FBXO21: variants seen among roughly 807,000 people sequenced by gnomAD.
FBXO21 encodes the protein F-box protein 21.
A neutral mutation model predicts 76.6 loss-of-function variants in FBXO21; 32 were observed. The ratio of observed to expected loss-of-function variants is 0.42; its 90% CI spans 0.32 to 0.56. The LOEUF (loss-of-function observed/expected upper bound fraction) is 0.56. Among genes scored for constraint, FBXO21 ranks in the 20% least tolerant of loss-of-function variants. The pLI is 0.16. For missense variants in FBXO21, 586 were observed against 797.3 expected (o/e 0.73, Z 3.19); for synonymous variants, 328 against 311.5 (o/e 1.05, Z -0.56).
chr12:117,161,320 G>T (rs917387528), intron 9 of FBXO21, among the ~76,000 whole-genome samples: 2 of 152,212 alleles, frequency 1.3e-5, no homozygotes, highest in East Asian at 1.9e-4. Flanking sequence ...AGAAAAAGTA[G>T]TGGGTGCAGG....
Position 117,145,743 on chromosome 12 carries a change from CAG to C in FBXO21, c.*342_*343del, listed in dbSNP as rs1256560752. Reference sequence around the variant, plus strand: ...ATGTTCTGAGACAAATGCAGACAGACAGGGGAATGGAGTGAATACAAAGAATG... The same window carrying C: ...ATGTTCTGAGACAAATGCAGACAGACGGGAATGGAGTGAATACAAAGAATG... On this transcript the variant is annotated 3_prime_UTR_variant, in exon 12 of 12. Coordinates refer to ENST00000622495, the MANE Select transcript of FBXO21 (RefSeq NM_015002.3). 2 of 172,852 alleles carry C rather than the reference CAG, an allele frequency of 1.2e-5. No individual in the cohort carries two copies. The highest frequency in any genetic ancestry group is 2.4e-5 in the African/African-American group (1 of 42,292). 10.7% of individuals were successfully genotyped at this position (172,852 alleles called of 1,614,324 possible). A position where few individuals can be genotyped will look rare whatever the true frequency, so the allele number is the denominator to read the frequency against.
At chr12:117,157,746 G>C (rs920144807) in intron 10 of FBXO21, 127 bp downstream of exon 10, 1 of 699,388 alleles carries the variant, frequency 1.4e-6, no homozygotes, top group African/African-American at 1.8e-5. Context: ...CCCGCGGTGC[G>C]CACTCGGGGG....
chr12:117,164,606 G>C (rs78945371), intron 9 of FBXO21, among the ~76,000 whole-genome samples: 1 of 152,036 alleles, frequency 6.6e-6, no homozygotes, highest in Non-Finnish European at 1.5e-5. Context: ...GAGCCTTGGG[G>C]TTTTCCTACT....
At chr12:117,167,891 C>T (rs1287462129) in intron 7 of FBXO21, among the ~76,000 whole-genome samples, 1 of 152,230 alleles carries the variant, frequency 6.6e-6, no homozygotes. Flanking sequence ...GAGCTGTGCC[C>T]CTGGCCTTGA....
At chr12:117,183,083 G>A (rs945868729) in intron 3 of FBXO21, among the ~76,000 whole-genome samples, 1 of 152,134 alleles carries the variant, frequency 6.6e-6, no homozygotes, top group African/African-American at 2.4e-5. Context: ...ACAAGAGTGA[G>A]ACTCTGTTTC....
At chr12:117,155,679 G>A in intron 11 of FBXO21, 112 bp downstream of exon 11, 6 of 1,249,036 alleles carry the variant, frequency 4.8e-6, no homozygotes, top group Non-Finnish European at 6.6e-6. Context: ...TGGGGCGTCG[G>A]CCGCCTCTGA....
At chr12:117,153,661 C>T (rs1001985198) in intron 11 of FBXO21, among the ~76,000 whole-genome samples, 2 of 152,066 alleles carry the variant, frequency 1.3e-5, no homozygotes, top group Admixed American at 6.5e-5. Flanking sequence ...AGATCTGCCC[C>T]TTGGCCCAGG....
chr12:117,159,643 A>G (rs1299831159), intron 9 of FBXO21, among the ~76,000 whole-genome samples: 1 of 152,136 alleles, frequency 6.6e-6, no homozygotes, highest in Non-Finnish European at 1.5e-5. Flanking sequence ...ACACTCGCAG[A>G]TTTACCCTTT....
At chr12:117,158,287 C>A (rs1440799734) in intron 9 of FBXO21, among the ~76,000 whole-genome samples, 1 of 152,078 alleles carries the variant, frequency 6.6e-6, no homozygotes, top group Non-Finnish European at 1.5e-5. Flanking sequence ...GTAACACTGG[C>A]AGCTGGCCCA....
In FBXO21 at chr12:117,155,779, C is replaced by G. The variant is rs1329333911; in HGVS notation, c.1675+12G>C. On this transcript the variant is annotated intron_variant, in intron 11 of 11. Transcript: ENST00000622495. ...CGCGGGGCCACTGGCACAAGCGGAACCCGCCGCTTACCTTGGGCTGCGTAT... is the reference window on the plus strand; with the variant it reads ...CGCGGGGCCACTGGCACAAGCGGAAGCCGCCGCTTACCTTGGGCTGCGTAT... 1.1e-5 allele frequency: 17 copies of G among 1,609,202 alleles called. No individual in the cohort carries two copies. Among genetic ancestry groups the G allele is most frequent in the Non-Finnish European group, 1.4e-5 (16 of 1,177,438 alleles).
Position 117,144,121 on chromosome 12 carries a change from G to A in FBXO21, c.*1966C>T, listed in dbSNP as rs887655420. 4 of 152,486 alleles carry A rather than the reference G, an allele frequency of 2.6e-5. No individual in the cohort carries two copies. The highest frequency in any genetic ancestry group is 1.9e-4 in the East Asian group (1 of 5,198). The allele number at this position is 152,486 out of a possible 1,614,324, so 9.4% of individuals were successfully genotyped here. The stretch of plus-strand genomic sequence containing the variant: ...TAGATACATATGTACAGCTGGGTCA[G>A]TAAAGGTAAAACCATCTTTCTTGAC... On this transcript the variant is annotated 3_prime_UTR_variant, in exon 12 of 12. Transcript: ENST00000622495.
rs1449438589 is a variant in FBXO21, at chr12:117,166,912, T to A, written c.1179A>T (p.Leu393Phe). The A allele has an allele frequency of 6.2e-7, 1 of 1,614,152 alleles. No homozygotes were observed. Among genetic ancestry groups the A allele is most frequent in the East Asian group, 2.2e-5 (1 of 44,888 alleles). ...KVLQRMVGNL[L>F]SLGKREGIDQ... ...GAAAACCTTACCGCTTCCCCAGGCT[T>A]AACAGGTTTCCCACCATTCTCTGTA... The change falls in exon 8 of 12, where the codon TTA becomes TTT. Residue 393 changes from leucine to phenylalanine, a missense_variant. Physicochemically the swap from Leu to Phe is conservative, Grantham distance 22. This residue lies in a region of FBXO21 where 9 missense variants were observed against 40.6 expected (regional missense o/e 0.22). Transcript: ENST00000622495.
At chr12:117,173,599 G>A (rs1956139891) in intron 6 of FBXO21, among the ~76,000 whole-genome samples, 1 of 152,198 alleles carries the variant, frequency 6.6e-6, no homozygotes, top group African/African-American at 2.4e-5. Context: ...AGTGCAAAGA[G>A]GACCCTGATT....
intron 7 of FBXO21, among the ~76,000 whole-genome samples, chr12:117,171,357 C>CAAAAAAAAAAAAAA (rs57835444): frequency 3.8e-5 from 2 of 52,664 alleles, no homozygotes; most frequent in Non-Finnish European, 6.8e-5. Flanking sequence ...GACCCTGTCT[C>CAAAAAAAAAAAAAA]AAAAAAAAAA....
intron 3 of FBXO21, among the ~76,000 whole-genome samples, chr12:117,181,579 C>T (rs1009597169): frequency 8.8e-6 from 1 of 113,964 alleles, no homozygotes; most frequent in Admixed American, 9.8e-5. Flanking sequence ...ATCGATCGAT[C>T]GATCTATCTA....
At chr12:117,167,658 G>GCACT (rs1471516133) in intron 7 of FBXO21, among the ~76,000 whole-genome samples, 2 of 151,790 alleles carry the variant, frequency 1.3e-5, no homozygotes, top group Non-Finnish European at 2.9e-5. Flanking sequence ...GAAGAATGGT[G>GCACT]TGAACCCGGG....
At chr12:117,165,656 T>G (rs1566000616) in intron 8 of FBXO21, 39 bp from the exon 9 acceptor site, 1 of 1,529,248 alleles carries the variant, frequency 6.5e-7, no homozygotes, top group Non-Finnish European at 8.9e-7. Context: ...ATCCTGCTTG[T>G]TTTTTCAGCA....
intron 7 of FBXO21, 87 bp from the exon 8 acceptor site, chr12:117,167,164 G>C: frequency 1.0e-6 from 1 of 980,402 alleles, no homozygotes; most frequent in Non-Finnish European, 1.5e-6. Context: ...ATGGGCTGAA[G>C]GTTGAGACCA....
intron 11 of FBXO21, among the ~76,000 whole-genome samples, chr12:117,151,018 T>C (rs1038776115): frequency 6.7e-6 from 1 of 150,190 alleles, no homozygotes; most frequent in African/African-American, 2.5e-5. Context: ...CGGGGAGGAC[T>C]GTATGGGTGG....
Sources: allele counts gnomAD v4.1 joint callset (sites outside exome capture counted in the v4.1 genomes callset), GRCh38; gene constraint gnomAD v4.1.1; regional missense constraint gnomAD v4.1.1; transcripts MANE v1.5; gene names NCBI Gene and HGNC (gene_info 2026-07-23, HGNC 2026-07-21).